The following WWOX variants were observed in gnomAD, a reference collection of about 807,000 sequenced individuals.
WWOX encodes the protein WW domain containing oxidoreductase.
WWOX carries 69 observed loss-of-function variants against 46.2 expected under a neutral mutation model. That is an observed-to-expected ratio of 1.49 (90% CI 1.23 to 1.82). The LOEUF (loss-of-function observed/expected upper bound fraction) is 1.82. Among genes scored for constraint, WWOX ranks in the 40% most tolerant of loss-of-function variants. The pLI is 0.00. For synonymous variants in WWOX, 359 were observed against 202.6 expected, an observed-to-expected ratio of 1.77 and a Z score of -6.56; for missense variants, 919 against 542.6, an observed-to-expected ratio of 1.69 and a Z score of -6.89.
At chr16:78,726,071 T>TTCCCTCCCTCCCTCTTCCTCCC (rs2048825026) in intron 8 of WWOX, among the ~76,000 whole-genome samples, 4 of 96,654 alleles carry the variant, frequency 4.1e-5, no homozygotes, top group East Asian at 3.6e-4. Flanking sequence ...CCTGCTTCCC[T>TTCCCTCCCTCCCTCTTCCTCCC]TCCCTCCCTC....
intron 8 of WWOX, among the ~76,000 whole-genome samples, chr16:78,967,979 C>G (rs2046393865): frequency 1.3e-5 from 2 of 152,166 alleles, no homozygotes; most frequent in African/African-American, 2.4e-5. Flanking sequence ...AGCCCATACC[C>G]CACTATATTA....
chr16:78,484,826 G>A lies in WWOX; in HGVS notation c.1056+52074G>A, dbSNP rs191638003. Reference sequence around the variant, plus strand: ...AGTCGAGGTTCTGGAAGATGGGTGGGGTGGGGGGAAGCGAATGTGAAGTGC... The same window carrying A: ...AGTCGAGGTTCTGGAAGATGGGTGGAGTGGGGGGAAGCGAATGTGAAGTGC... On this transcript the variant is annotated intron_variant, in intron 8 of 8. Coordinates refer to ENST00000566780, the MANE Select transcript of WWOX (RefSeq NM_016373.4). Among the ~76,000 whole-genome samples the A allele has an allele frequency of 6.4e-4, 98 of 152,282 alleles. No individual in the cohort carries two copies. The East Asian group carries it at 0.016, about 25-fold the overall frequency.
intron 8 of WWOX, among the ~76,000 whole-genome samples, chr16:78,626,020 T>C (rs985271792): frequency 1.4e-4 from 21 of 151,840 alleles, no homozygotes; most frequent in South Asian, 4.2e-4. Context: ...CAACCTAATA[T>C]TGTTATTAAC....
chr16:78,691,200 C>A (rs762586561), intron 8 of WWOX: 5 of 701,676 alleles, frequency 7.1e-6, no homozygotes, highest in Non-Finnish European at 1.3e-5. Context: ...GTAGGTCCAG[C>A]GCCTAGAATT....
intron 4 of WWOX, among the ~76,000 whole-genome samples, chr16:78,127,461 T>C (rs1172877998): frequency 6.7e-6 from 1 of 150,168 alleles, no homozygotes; most frequent in Non-Finnish European, 1.5e-5. Flanking sequence ...GAAAACATTT[T>C]AGAATTTTTT....
At chr16:79,015,226 G>T (rs1016892438) in intron 8 of WWOX, among the ~76,000 whole-genome samples, 2 of 152,148 alleles carry the variant, frequency 1.3e-5, no homozygotes, top group Non-Finnish European at 2.9e-5. Flanking sequence ...AACACAGAAG[G>T]TGCCTGATTT....
chr16:78,773,128 C>T (rs1245503738), intron 8 of WWOX, among the ~76,000 whole-genome samples: 5 of 152,206 alleles, frequency 3.3e-5, no homozygotes, highest in Admixed American at 6.5e-5. Flanking sequence ...TTGTAAGCTT[C>T]ATGAGGGCAG....
intron 7 of WWOX, among the ~76,000 whole-genome samples, chr16:78,427,220 G>A (rs1021130822): frequency 9.2e-5 from 14 of 152,048 alleles, no homozygotes; most frequent in African/African-American, 3.1e-4. Context: ...CCTGTTAGGG[G>A]AAAAAAGAAA....
intron 8 of WWOX, among the ~76,000 whole-genome samples, chr16:78,933,896 C>CA (rs140386815): frequency 0.043 from 6,481 of 152,058 alleles, 421 homozygotes; most frequent in African/African-American, 0.15. Context: ...TAAACCATAT[C>CA]AAAACATAAC....
chr16:78,539,997 TTCTCTCTCTCTCTC>T (rs536466074), intron 8 of WWOX, among the ~76,000 whole-genome samples: 1 of 133,022 alleles, frequency 7.5e-6, no homozygotes, highest in South Asian at 2.6e-4. Flanking sequence ...CTCTCTCTCT[TTCTCTCTCTCTCTC>T]TCTCTCTCTC....
chr16:79,175,437 G>A (rs1111414), intron 8 of WWOX, among the ~76,000 whole-genome samples: 6,875 of 152,298 alleles, frequency 0.045, 368 homozygotes, highest in East Asian at 0.3. Context: ...CCACAAAGCT[G>A]TGGCTCTGGT....
intron 5 of WWOX, among the ~76,000 whole-genome samples, chr16:78,311,868 C>A (rs2080251796): frequency 1.3e-5 from 2 of 152,116 alleles, no homozygotes; most frequent in Admixed American, 1.3e-4. Flanking sequence ...CATTTATTTT[C>A]TTAAAGTTCT....
At chr16:78,229,157 C>G (rs1041446011) in intron 5 of WWOX, among the ~76,000 whole-genome samples, 5 of 151,614 alleles carry the variant, frequency 3.3e-5, no homozygotes, top group African/African-American at 1.2e-4. Flanking sequence ...ATTTAATATA[C>G]TAGTGAATTT....
chr16:78,302,761 A>C (rs2080063341), intron 5 of WWOX, among the ~76,000 whole-genome samples: 1 of 152,152 alleles, frequency 6.6e-6, no homozygotes, highest in South Asian at 2.1e-4. Flanking sequence ...GTACACATTT[A>C]AGTTTGCTAC....
intron 8 of WWOX, among the ~76,000 whole-genome samples, chr16:78,702,160 G>C: frequency 7.1e-6 from 1 of 141,530 alleles, no homozygotes; most frequent in Middle Eastern, 3.7e-3. Context: ...TGCAACTGCA[G>C]TGTCAGCTAC....
Position 78,649,237 on chromosome 16 carries a change from G to A in WWOX, c.1056+216485G>A, listed in dbSNP as rs140701761. 5.9e-3 allele frequency among the ~76,000 whole-genome samples: 894 copies of A among 152,188 alleles called. 9 individuals carry two copies. The highest frequency in any genetic ancestry group is 0.02 in the African/African-American group (839 of 41,508). ...GGACCTCAAATGATCCAACCGCCTC[G>A]GACTTCCGAAGTGCTGGGATTACAG... On this transcript the variant is annotated intron_variant, in intron 8 of 8. Coordinates refer to ENST00000566780, the MANE Select transcript of WWOX (RefSeq NM_016373.4).
chr16:78,706,862 A>C (rs1226641313), intron 8 of WWOX, among the ~76,000 whole-genome samples: 2 of 152,040 alleles, frequency 1.3e-5, no homozygotes, highest in Non-Finnish European at 2.9e-5. Context: ...AATTGACGCA[A>C]TCCTGGCTGG....
chr16:78,182,620 T>G (rs1466791878), intron 5 of WWOX, among the ~76,000 whole-genome samples: 2 of 151,982 alleles, frequency 1.3e-5, no homozygotes, highest in East Asian at 3.9e-4. Flanking sequence ...CTGGGTCAGG[T>G]AGAGCACTGA....
chr16:78,608,925 G>T (rs1275513142), intron 8 of WWOX, among the ~76,000 whole-genome samples: 2 of 152,238 alleles, frequency 1.3e-5, no homozygotes, highest in South Asian at 2.1e-4. Context: ...TGCTCGAAAC[G>T]ATTTAACTAG....
Sources: gnomAD v4.1 joint callset for allele counts (sites outside exome capture counted in the v4.1 genomes callset) on GRCh38, gnomAD v4.1.1 for gene constraint, MANE v1.5 for transcripts, NCBI Gene and HGNC (gene_info 2026-07-23, HGNC 2026-07-21) for gene names.